Variants in NKAIN2 observed in about 807,000 individuals in gnomAD.
NKAIN2 encodes sodium/potassium-transporting ATPase subunit beta-1-interacting protein 2.
Under a neutral mutation model 32.6 loss-of-function variants are expected in NKAIN2, and 14 were observed. The observed-to-expected ratio is 0.43, with a 90% CI of 0.28 to 0.67. The LOEUF is 0.67. Ranked by LOEUF, NKAIN2 falls within the 30% of genes least tolerant of loss-of-function variation. The probability of loss-of-function intolerance (pLI) is 0.17; values close to 1 mark genes in which losing one functional copy is unlikely to be tolerated. For missense variants in NKAIN2, 198 were observed against 258.3 expected, an observed-to-expected ratio of 0.77 and a Z score of 1.60; for synonymous variants, 80 against 87.2, an observed-to-expected ratio of 0.92 and a Z score of 0.46.
intron 1 of NKAIN2, among the ~76,000 whole-genome samples, chr6:124,108,063 G>T (rs1258746966): frequency 1.3e-5 from 2 of 151,990 alleles, no homozygotes; most frequent in African/African-American, 4.8e-5. Flanking sequence ...TATTTGGATT[G>T]TTTGGTACTT....
intron 3 of NKAIN2, among the ~76,000 whole-genome samples, chr6:124,376,897 A>G (rs1006468257): frequency 2.6e-5 from 4 of 152,092 alleles, no homozygotes; most frequent in African/African-American, 9.7e-5. Context: ...AAATTGATCT[A>G]TTGGTTAAAT....
chr6:124,273,451 G>A (rs1794893277), intron 1 of NKAIN2, among the ~76,000 whole-genome samples: 1 of 152,154 alleles, frequency 6.6e-6, no homozygotes, highest in Non-Finnish European at 1.5e-5. Context: ...ATGCAGAATT[G>A]TGAGTTAATT....
rs1271635251 is a variant in NKAIN2 at position 124,436,689 on chromosome 6, C to T, written c.273+81342C>T. Among the ~76,000 whole-genome samples, 3 of 152,108 alleles carry T rather than the reference C, an allele frequency of 2.0e-5. No individual in the cohort carries two copies. The East Asian group carries it at 5.8e-4, about 29-fold the overall frequency. On this transcript the variant is annotated intron_variant, in intron 3 of 6. Coordinates refer to ENST00000368417, the MANE Select transcript of NKAIN2 (RefSeq NM_001040214.3). ...CCCGGAATCCCACCACTTTTCTCAC[C>T]TCCACTGCTGCCAACCTGGTCCAGG...
intron 3 of NKAIN2, among the ~76,000 whole-genome samples, chr6:124,434,785 G>C (rs1245032792): frequency 6.6e-6 from 1 of 152,144 alleles, no homozygotes; most frequent in African/African-American, 2.4e-5. Flanking sequence ...TTCCTTAATA[G>C]CAGTATAAGT....
intron 3 of NKAIN2, among the ~76,000 whole-genome samples, chr6:124,448,220 A>T (rs1018500361): frequency 3.3e-5 from 5 of 152,078 alleles, no homozygotes; most frequent in Non-Finnish European, 7.4e-5. Flanking sequence ...TAATTCTATG[A>T]TTACTATTGA....
intron 1 of NKAIN2, among the ~76,000 whole-genome samples, chr6:124,151,635 G>A (rs1787729509): frequency 6.6e-6 from 1 of 152,002 alleles, no homozygotes; most frequent in African/African-American, 2.4e-5. Context: ...CAAGCAATGT[G>A]TGAGATTTCT....
intron 1 of NKAIN2, among the ~76,000 whole-genome samples, chr6:124,023,671 A>G (rs1261284065): frequency 1.3e-5 from 2 of 152,200 alleles, no homozygotes; most frequent in Admixed American, 6.5e-5. Context: ...ATTGCAGGAC[A>G]GATTAACTTT....
chr6:123,920,780 A>G (rs1775715163), intron 1 of NKAIN2, among the ~76,000 whole-genome samples: 1 of 152,220 alleles, frequency 6.6e-6, no homozygotes, highest in Non-Finnish European at 1.5e-5. Context: ...GATGATTGTA[A>G]TGGACAAAAA....
intron 3 of NKAIN2, among the ~76,000 whole-genome samples, chr6:124,584,655 GA>G (rs34014858): frequency 0.062 from 5,439 of 87,162 alleles, 121 homozygotes; most frequent in East Asian, 0.15. Context: ...CTCCATCTCA[GA>G]AAAAAAAAAA....
chr6:123,963,530 A>G (rs1203707283), intron 1 of NKAIN2, among the ~76,000 whole-genome samples: 42 of 152,174 alleles, frequency 2.8e-4, no homozygotes, highest in Non-Finnish European at 7.3e-5. Context: ...AACATCTCTC[A>G]ATTATAAAAT....
chr6:124,396,405 A>G (rs577458830), intron 3 of NKAIN2, among the ~76,000 whole-genome samples: 2 of 151,080 alleles, frequency 1.3e-5, no homozygotes, highest in East Asian at 1.9e-4. Context: ...AAAAGGAATA[A>G]TGAATAAGAC....
chr6:123,940,132 T>C (rs904495634), intron 1 of NKAIN2, among the ~76,000 whole-genome samples: 5 of 151,908 alleles, frequency 3.3e-5, no homozygotes, highest in Admixed American at 2.0e-4. Context: ...TGGAACACTG[T>C]TGGCTGAGAG....
intron 3 of NKAIN2, among the ~76,000 whole-genome samples, chr6:124,593,073 G>T (rs1296234236): frequency 1.3e-5 from 2 of 152,012 alleles, no homozygotes; most frequent in Non-Finnish European, 2.9e-5. Flanking sequence ...GGTTTCAATT[G>T]TAAACAAACA....
Position 124,728,885 on chromosome 6 carries a change from G to A in NKAIN2, c.475-62454G>A, listed in dbSNP as rs1449594598. Among the ~76,000 whole-genome samples, 13 of 151,190 alleles carry A rather than the reference G, an allele frequency of 8.6e-5. No individual in the cohort carries two copies. The South Asian group carries it at 1.1e-3, about 12-fold the overall frequency. On this transcript the variant is annotated intron_variant, in intron 4 of 6. Coordinates refer to ENST00000368417, the MANE Select transcript of NKAIN2 (RefSeq NM_001040214.3). ...AAATGATAAAGGGGATATCACCACC[G>A]ATCCCACAGAAATACAAACTACCAT...
chr6:124,497,053 G>C (rs1221896718), intron 3 of NKAIN2, among the ~76,000 whole-genome samples: 1 of 152,122 alleles, frequency 6.6e-6, no homozygotes, highest in Non-Finnish European at 1.5e-5. Flanking sequence ...GGGGTGCCCA[G>C]AGGGAGGGAG....
At chr6:123,962,805 T>C (rs1469879655) in intron 1 of NKAIN2, among the ~76,000 whole-genome samples, 2 of 152,154 alleles carry the variant, frequency 1.3e-5, no homozygotes, top group East Asian at 1.9e-4. Flanking sequence ...TTAAAAGTTA[T>C]GATTACCCTG....
At chr6:124,252,014 C>G (rs1052147259) in intron 1 of NKAIN2, among the ~76,000 whole-genome samples, 11 of 151,894 alleles carry the variant, frequency 7.2e-5, no homozygotes, top group African/African-American at 2.7e-4. Context: ...TGAAACATCA[C>G]TATGTACCCC....
Position 123,804,100 on chromosome 6 carries a change from G to C in NKAIN2, c.-101G>C, listed in dbSNP as rs1024264838. 24 of 1,076,884 alleles carry C rather than the reference G, an allele frequency of 2.2e-5. 1 individual carries two copies. The highest frequency in any genetic ancestry group is 3.4e-5 in the Admixed American group (2 of 59,236). 66.7% of individuals were successfully genotyped at this position (1,076,884 alleles called of 1,614,324 possible). A position where few individuals can be genotyped will look rare whatever the true frequency, so the allele number is the denominator to read the frequency against. Reference sequence around the variant, plus strand: ...AGCAGCCCGGAGCCCCCGAGCCCTCGGCAGGTTTGCGTGTCCTTCCCCGCG... The same window carrying C: ...AGCAGCCCGGAGCCCCCGAGCCCTCCGCAGGTTTGCGTGTCCTTCCCCGCG... On this transcript the variant is annotated 5_prime_UTR_variant, in exon 1 of 7. Coordinates refer to ENST00000368417, the MANE Select transcript of NKAIN2 (RefSeq NM_001040214.3).
At chr6:124,224,025 C>A (rs973401919) in intron 1 of NKAIN2, among the ~76,000 whole-genome samples, 5 of 151,906 alleles carry the variant, frequency 3.3e-5, no homozygotes, top group Non-Finnish European at 7.4e-5. Context: ...TGTGGGATTT[C>A]GAAGTTTGTT....
Sources: gnomAD v4.1 joint callset for allele counts (sites outside exome capture counted in the v4.1 genomes callset) on GRCh38, gnomAD v4.1.1 for gene constraint, MANE v1.5 for transcripts, NCBI Gene and HGNC (gene_info 2026-07-23, HGNC 2026-07-21) for gene names.